Variants in SLC26A5 observed in about 807,000 individuals in gnomAD.
SLC26A5 encodes the protein solute carrier family 26 member 5, also known as prestin.
A neutral mutation model predicts 81.0 loss-of-function variants in SLC26A5; 51 were observed. The ratio of observed to expected loss-of-function variants is 0.63; its 90% CI spans 0.50 to 0.80. The LOEUF is 0.80. Ranked by LOEUF, SLC26A5 falls within the 30% of genes least tolerant of loss-of-function variation. SLC26A5 has a pLI of 0.00. For missense variants in SLC26A5, 771 were observed against 905.8 expected, an observed-to-expected ratio of 0.85 and a Z score of 1.91; for synonymous variants, 325 against 332.8, an observed-to-expected ratio of 0.98 and a Z score of 0.25.
intron 8 of SLC26A5, among the ~76,000 whole-genome samples, chr7:103,400,460 G>C (rs1823497457): frequency 6.6e-6 from 1 of 152,126 alleles, no homozygotes; most frequent in African/African-American, 2.4e-5. Flanking sequence ...GTAGATTCTG[G>C]ATATTAGCCC....
intron 8 of SLC26A5, among the ~76,000 whole-genome samples, chr7:103,403,853 T>C (rs919042746): frequency 6.6e-6 from 1 of 152,204 alleles, no homozygotes; most frequent in Non-Finnish European, 1.5e-5. Flanking sequence ...TGTCTTTCAG[T>C]TGGGGCATTT....
At chr7:103,388,948 TA>T in intron 14 of SLC26A5, 59 bp downstream of exon 14, 1 of 1,300,622 alleles carries the variant, frequency 7.7e-7, no homozygotes, top group Non-Finnish European at 1.1e-6. Context: ...GGTCTACACC[TA>T]AAGTCAACAT....
At chr7:103,375,748 A>C (rs1821309594) in intron 19 of SLC26A5, among the ~76,000 whole-genome samples, 1 of 143,002 alleles carries the variant, frequency 7.0e-6, no homozygotes, top group African/African-American at 2.7e-5. Flanking sequence ...GCACTGTTTT[A>C]CTTTTTTTTT....
intron 4 of SLC26A5, among the ~76,000 whole-genome samples, chr7:103,420,207 T>C (rs545896218): frequency 5.9e-5 from 9 of 151,740 alleles, no homozygotes; most frequent in African/African-American, 1.9e-4. Context: ...GTGACTGACT[T>C]AGCAAGTGGT....
At chr7:103,399,338 A>G (rs1823393447) in intron 8 of SLC26A5, among the ~76,000 whole-genome samples, 1 of 152,162 alleles carries the variant, frequency 6.6e-6, no homozygotes, top group South Asian at 2.1e-4. Context: ...GCTGTACTCC[A>G]AGTCAAAATG....
chr7:103,408,073 G>A lies in SLC26A5; in HGVS notation c.736-70C>T. On this transcript the variant is annotated intron_variant, in intron 7 of 19. Coordinates refer to ENST00000306312, the MANE Select transcript of SLC26A5 (RefSeq NM_198999.3). ...CTGAGAGAGACAGAGACACTCTAGC[G>A]CACTAATTCACACCAGCCATTCCGT... 10 of 1,585,644 alleles carry A rather than the reference G, an allele frequency of 6.3e-6. 1 individual carries two copies. The South Asian group carries it at 6.7e-5, about 11-fold the overall frequency.
At chr7:103,411,249 G>A (rs540976697) in intron 6 of SLC26A5, among the ~76,000 whole-genome samples, 171 bp downstream of exon 6, 7 of 152,224 alleles carry the variant, frequency 4.6e-5, no homozygotes, top group East Asian at 1.9e-4. Flanking sequence ...TTGCTTGCTC[G>A]TCACTCATAG....
intron 8 of SLC26A5, among the ~76,000 whole-genome samples, chr7:103,402,242 G>C (rs1272028659): frequency 6.6e-6 from 1 of 152,144 alleles, no homozygotes; most frequent in South Asian, 2.1e-4. Context: ...TTCAGAGCCT[G>C]TTATTGGTCT....
At position 103,374,365 on chromosome 7, in the gene SLC26A5, G is replaced by A; in HGVS notation, c.*34C>T. 6.2e-7 allele frequency: 1 copy of A among 1,611,394 alleles called. No homozygotes were observed. Among genetic ancestry groups the A allele is most frequent in the Non-Finnish European group, 8.5e-7 (1 of 1,179,654 alleles). On this transcript the variant is annotated 3_prime_UTR_variant, in exon 20 of 20. Coordinates refer to ENST00000306312, the MANE Select transcript of SLC26A5 (RefSeq NM_198999.3). Reference sequence around the variant, plus strand: ...CGTGTAAATTATGAACTTCATGAGAGGCTTATAACCCCATCCTAGGGTGAG... The same window carrying A: ...CGTGTAAATTATGAACTTCATGAGAAGCTTATAACCCCATCCTAGGGTGAG...
intron 2 of SLC26A5, among the ~76,000 whole-genome samples, chr7:103,426,228 C>T (rs1825703722): frequency 6.6e-6 from 1 of 152,132 alleles, no homozygotes; most frequent in African/African-American, 2.4e-5. Context: ...ATACTTCAGG[C>T]AAATGCAGTC....
intron 12 of SLC26A5, among the ~76,000 whole-genome samples, chr7:103,389,884 T>A (rs1418786590): frequency 6.6e-6 from 1 of 152,114 alleles, no homozygotes; most frequent in Non-Finnish European, 1.5e-5. Context: ...CGCCTCAGCC[T>A]CCCAAAGTGC....
intron 2 of SLC26A5, among the ~76,000 whole-genome samples, chr7:103,428,558 C>CTTTT (rs10592922): frequency 8.5e-6 from 1 of 118,086 alleles, no homozygotes. Context: ...CCTGCCAGTA[C>CTTTT]TTTTTTTTTT....
At chr7:103,412,929 C>T (rs1490256048) in intron 5 of SLC26A5, 73 bp downstream of exon 5, 4 of 1,067,516 alleles carry the variant, frequency 3.7e-6, no homozygotes, top group Non-Finnish European at 5.8e-6. Flanking sequence ...AATGACCATG[C>T]TATTTCTTTG....
At chr7:103,416,434 G>T (rs1370244679) in intron 4 of SLC26A5, among the ~76,000 whole-genome samples, 1 of 152,186 alleles carries the variant, frequency 6.6e-6, no homozygotes, top group Non-Finnish European at 1.5e-5. Flanking sequence ...GCCTTTGCTG[G>T]CTCACAGTTC....
chr7:103,431,947 G>T (rs1158802665), intron 2 of SLC26A5, among the ~76,000 whole-genome samples: 1 of 151,228 alleles, frequency 6.6e-6, no homozygotes, highest in Non-Finnish European at 1.5e-5. Flanking sequence ...ACAGGGTCTG[G>T]CTCTGTCACC....
chr7:103,392,318 C>T (rs950226947), intron 10 of SLC26A5, among the ~76,000 whole-genome samples: 2 of 152,072 alleles, frequency 1.3e-5, no homozygotes, highest in African/African-American at 2.4e-5. Context: ...TCTGTGGCTG[C>T]GTTATAAAAG....
intron 12 of SLC26A5, 89 bp from the exon 13 acceptor site, chr7:103,389,513 C>T (rs916768800): frequency 2.2e-6 from 2 of 921,460 alleles, no homozygotes; most frequent in Admixed American, 1.8e-5. Flanking sequence ...CTGTCCTCCC[C>T]ATGCCTTCTC....
chr7:103,362,794 CTTTTTTT>C, intron 19 of SLC26A5: 36 of 839,636 alleles, frequency 4.3e-5, no homozygotes, highest in Non-Finnish European at 4.4e-5. Context: ...AAGGCTATGT[CTTTTTTT>C]TTTTTTTTTT....
intron 6 of SLC26A5, 71 bp downstream of exon 6, chr7:103,411,349 C>T: frequency 6.3e-7 from 1 of 1,583,548 alleles, no homozygotes; most frequent in African/African-American, 1.3e-5. Flanking sequence ...GTAAGACCAG[C>T]CAAGAGCACT....
Sources: allele counts gnomAD v4.1 joint callset (sites outside exome capture counted in the v4.1 genomes callset), GRCh38; gene constraint gnomAD v4.1.1; transcripts MANE v1.5; gene names NCBI Gene and HGNC (gene_info 2026-07-23, HGNC 2026-07-21).